Variants in TRAPPC9 observed in about 807,000 individuals in gnomAD.
TRAPPC9 encodes the protein IKK2 binding protein.
In TRAPPC9, 83 loss-of-function variants were observed where a neutral mutation model predicts 124.0. The ratio of observed to expected loss-of-function variants is 0.67; its 90% CI spans 0.56 to 0.80. TRAPPC9 has a LOEUF of 0.80. Ranked by LOEUF, TRAPPC9 falls within the 30% of genes least tolerant of loss-of-function variation. TRAPPC9 has a pLI of 0.00. For missense variants in TRAPPC9, 1,302 were observed against 1,508.3 expected, an observed-to-expected ratio of 0.86 and a Z score of 2.27; for synonymous variants, 638 against 617.5, an observed-to-expected ratio of 1.03 and a Z score of -0.49.
intron 21 of TRAPPC9, among the ~76,000 whole-genome samples, chr8:139,802,773 T>A (rs1210145152): frequency 1.3e-5 from 2 of 152,154 alleles, no homozygotes; most frequent in Non-Finnish European, 2.9e-5. Context: ...TAGGCTCTGA[T>A]TTGAGAATTG....
At chr8:139,877,432 A>T (rs1486540850) in intron 21 of TRAPPC9, among the ~76,000 whole-genome samples, 6 of 152,298 alleles carry the variant, frequency 3.9e-5, no homozygotes, top group Non-Finnish European at 8.8e-5. Context: ...GGATGGGAGC[A>T]GCACACCCTT....
chr8:139,827,398 C>T (rs1825710334), intron 21 of TRAPPC9, among the ~76,000 whole-genome samples: 2 of 152,232 alleles, frequency 1.3e-5, no homozygotes, highest in Non-Finnish European at 2.9e-5. Context: ...GGAAGGGATT[C>T]TGAAGCTTCT....
chr8:140,340,185 G>T (rs1429318457), intron 9 of TRAPPC9, among the ~76,000 whole-genome samples: 1 of 152,190 alleles, frequency 6.6e-6, no homozygotes, highest in African/African-American at 2.4e-5. Context: ...GTCAGTTAAA[G>T]ATTAGAGTCA....
At chr8:139,869,833 A>G (rs1215692193) in intron 21 of TRAPPC9, among the ~76,000 whole-genome samples, 5 of 152,392 alleles carry the variant, frequency 3.3e-5, no homozygotes, top group African/African-American at 1.2e-4. Flanking sequence ...CAGAAGTGAA[A>G]TATAAATTAA....
intron 21 of TRAPPC9, among the ~76,000 whole-genome samples, chr8:139,837,725 C>T (rs1320932612): frequency 6.6e-6 from 1 of 152,214 alleles, no homozygotes; most frequent in Admixed American, 6.5e-5. Flanking sequence ...CCCCACACCC[C>T]TGGTCTCTCG....
intron 1 of TRAPPC9, among the ~76,000 whole-genome samples, chr8:140,453,356 C>T (rs981740993): frequency 3.3e-5 from 5 of 152,124 alleles, no homozygotes; most frequent in African/African-American, 7.2e-5. Flanking sequence ...ACTGCATAAC[C>T]TTCAGGTCAC....
chr8:139,875,764 T>C (rs1829279444), intron 21 of TRAPPC9, among the ~76,000 whole-genome samples: 1 of 152,090 alleles, frequency 6.6e-6, no homozygotes, highest in African/African-American at 2.4e-5. Context: ...GCCCTCAGAG[T>C]CAACAAAACC....
At chr8:139,920,856 C>T (rs1468985530) in intron 19 of TRAPPC9, among the ~76,000 whole-genome samples, 1 of 152,260 alleles carries the variant, frequency 6.6e-6, no homozygotes, top group Non-Finnish European at 1.5e-5. Context: ...ATCTCAGCTC[C>T]TCTCAGTTCC....
intron 21 of TRAPPC9, among the ~76,000 whole-genome samples, chr8:139,855,927 T>C (rs994345605): frequency 2.0e-5 from 3 of 152,192 alleles, no homozygotes; most frequent in Non-Finnish European, 2.9e-5. Context: ...TGAGGCCTGG[T>C]AAAAAGCATT....
At chr8:139,782,369 C>T (rs1440126891) in intron 21 of TRAPPC9, among the ~76,000 whole-genome samples, 3 of 151,956 alleles carry the variant, frequency 2.0e-5, no homozygotes, top group South Asian at 2.1e-4. Flanking sequence ...ACAGGGGCCC[C>T]GCTCCCAGAA....
intron 21 of TRAPPC9, among the ~76,000 whole-genome samples, chr8:139,822,064 C>T (rs560561498): frequency 6.6e-6 from 1 of 152,140 alleles, no homozygotes; most frequent in East Asian, 1.9e-4. Context: ...TATTAGGGAC[C>T]GTGGGGTGCT....
At chr8:140,400,556 G>T (rs1338623956) in intron 6 of TRAPPC9, among the ~76,000 whole-genome samples, 3 of 152,184 alleles carry the variant, frequency 2.0e-5, no homozygotes, top group Non-Finnish European at 4.4e-5. Context: ...AGAGTTGCTT[G>T]TTCCTACTTC....
At chr8:140,131,419 G>C (rs2061206584) in intron 17 of TRAPPC9, among the ~76,000 whole-genome samples, 1 of 152,178 alleles carries the variant, frequency 6.6e-6, no homozygotes, top group African/African-American at 2.4e-5. Flanking sequence ...TGCTTATAAG[G>C]CTTTCTCATA....
intron 21 of TRAPPC9, among the ~76,000 whole-genome samples, chr8:139,804,181 A>G (rs1823796307): frequency 8.9e-6 from 1 of 112,596 alleles, no homozygotes; most frequent in East Asian, 2.8e-4. Context: ...ACCACCACCC[A>G]CCACCGCCAC....
At chr8:139,995,073 T>C (rs1200139488) in intron 18 of TRAPPC9, among the ~76,000 whole-genome samples, 2 of 151,998 alleles carry the variant, frequency 1.3e-5, no homozygotes, top group African/African-American at 2.4e-5. Context: ...CTATAAATCA[T>C]AGAATGCACT....
chr8:140,177,862 A>G (rs1441062594), intron 17 of TRAPPC9, among the ~76,000 whole-genome samples: 4 of 152,104 alleles, frequency 2.6e-5, no homozygotes, highest in Non-Finnish European at 5.9e-5. Flanking sequence ...TCAATGTACA[A>G]TTCTTGCACA....
intron 21 of TRAPPC9, among the ~76,000 whole-genome samples, chr8:139,785,592 G>A (rs1822174374): frequency 6.6e-6 from 1 of 151,496 alleles, no homozygotes. Context: ...AGCTGGGTGT[G>A]GTGGCGGGCA....
intron 17 of TRAPPC9, among the ~76,000 whole-genome samples, chr8:140,082,459 A>G (rs1483517988): frequency 6.6e-6 from 1 of 152,202 alleles, no homozygotes; most frequent in East Asian, 1.9e-4. Flanking sequence ...CCCAAATAAT[A>G]AAGACAGGTG....
intron 21 of TRAPPC9, among the ~76,000 whole-genome samples, chr8:139,838,573 A>G (rs1244946419): frequency 6.6e-6 from 1 of 152,012 alleles, no homozygotes; most frequent in Non-Finnish European, 1.5e-5. Context: ...GAGCCTCTGA[A>G]CCACCCTGGC....
Sources: gnomAD v4.1 joint callset for allele counts (sites outside exome capture counted in the v4.1 genomes callset) on GRCh38, gnomAD v4.1.1 for gene constraint, MANE v1.5 for transcripts, NCBI Gene and HGNC (gene_info 2026-07-23, HGNC 2026-07-21) for gene names.